The following XYLT1 variants were observed in gnomAD, a reference collection of about 807,000 sequenced individuals.
XYLT1 encodes xylosyltransferase 1.
Under a neutral mutation model 91.3 loss-of-function variants are expected in XYLT1, and 36 were observed. The ratio of observed to expected loss-of-function variants is 0.39; its 90% CI spans 0.30 to 0.52. XYLT1 has a LOEUF of 0.52. XYLT1 is among the 20% of genes least tolerant of loss of function. XYLT1 has a pLI of 0.68. For synonymous variants in XYLT1, 588 were observed against 532.0 expected (o/e 1.11, Z -1.45); for missense variants, 1,242 against 1,284.5 (o/e 0.97, Z 0.51).
intron 1 of XYLT1, among the ~76,000 whole-genome samples, chr16:17,429,389 C>T (rs953121749): frequency 5.3e-5 from 8 of 152,212 alleles, no homozygotes; most frequent in Non-Finnish European, 1.2e-4. Context: ...AATTCTGCCG[C>T]AGGTTAACTC....
At chr16:17,223,007 C>T (rs1455004279) in intron 3 of XYLT1, among the ~76,000 whole-genome samples, 2 of 147,928 alleles carry the variant, frequency 1.4e-5, no homozygotes, top group Non-Finnish European at 3.0e-5. Flanking sequence ...TCAAATGCTT[C>T]AGGGTCAGTG....
Position 17,117,812 on chromosome 16 carries a change from G to T in XYLT1, c.2391C>A (p.Ile797=). ...PVNVIAATYD[I]LIESTAEFTH... is the part of the protein sequence containing the mutation. Reference sequence around the variant, plus strand: ...TGAATTCGGCAGTGGACTCAATGAGGATGTCGTAGGTGGCTGCGATGACAT... The same window carrying T: ...TGAATTCGGCAGTGGACTCAATGAGTATGTCGTAGGTGGCTGCGATGACAT... Residue 797 remains isoleucine, a synonymous_variant, in exon 11 of 12, where the codon ATC becomes ATA. Coordinates refer to ENST00000261381, the MANE Select transcript of XYLT1 (RefSeq NM_022166.4). 6.2e-7 allele frequency: 1 copy of T among 1,614,154 alleles called. No homozygotes were observed. Among genetic ancestry groups the T allele is most frequent in the South Asian group, 1.1e-5 (1 of 91,084 alleles).
intron 10 of XYLT1, among the ~76,000 whole-genome samples, chr16:17,118,716 G>T (rs11866006): frequency 0.057 from 8,650 of 152,116 alleles, 810 homozygotes; most frequent in African/African-American, 0.2. Context: ...TAGTCAGAAA[G>T]GCCTTGTAAA....
intron 3 of XYLT1, among the ~76,000 whole-genome samples, chr16:17,251,712 C>T (rs953946941): frequency 2.0e-5 from 3 of 152,178 alleles, no homozygotes; most frequent in African/African-American, 4.8e-5. Context: ...GCACAGATTG[C>T]CTCCTATGGG....
At chr16:17,147,505 C>T (rs1270727020) in intron 6 of XYLT1, among the ~76,000 whole-genome samples, 3 of 152,198 alleles carry the variant, frequency 2.0e-5, no homozygotes, top group Admixed American at 1.3e-4. Context: ...TTTATGCAGT[C>T]ATCTCCAAAA....
At chr16:17,352,221 A>C (rs1326151881) in intron 2 of XYLT1, among the ~76,000 whole-genome samples, 1 of 152,210 alleles carries the variant, frequency 6.6e-6, no homozygotes, top group Non-Finnish European at 1.5e-5. Flanking sequence ...ACTTAAGTTT[A>C]AGTTCAGCTG....
At chr16:17,381,422 T>G (rs1393911793) in intron 1 of XYLT1, among the ~76,000 whole-genome samples, 1 of 38,408 alleles carries the variant, frequency 2.6e-5, no homozygotes, top group East Asian at 2.6e-4. Context: ...AGGCAACACC[T>G]TTTTTTTTTT....
intron 2 of XYLT1, among the ~76,000 whole-genome samples, chr16:17,316,416 TG>T (rs2034633509): frequency 1.3e-5 from 2 of 152,144 alleles, no homozygotes; most frequent in African/African-American, 4.8e-5. Flanking sequence ...TATTTATTTT[TG>T]AGACAGTCTC....
intron 8 of XYLT1, among the ~76,000 whole-genome samples, chr16:17,136,623 G>A (rs1279119614): frequency 6.6e-6 from 1 of 151,436 alleles, no homozygotes. Flanking sequence ...CCCATCTAGG[G>A]GCAGAACAAA....
intron 1 of XYLT1, among the ~76,000 whole-genome samples, chr16:17,382,481 G>A (rs932590574): frequency 1.3e-5 from 2 of 151,914 alleles, no homozygotes; most frequent in Non-Finnish European, 2.9e-5. Flanking sequence ...GAATTTCAGT[G>A]TTAATGGGAC....
At chr16:17,203,649 T>G (rs1489195379) in intron 3 of XYLT1, among the ~76,000 whole-genome samples, 1 of 152,176 alleles carries the variant, frequency 6.6e-6, no homozygotes, top group African/African-American at 2.4e-5. Flanking sequence ...CAACCATTCA[T>G]CCATTGCTCC....
intron 3 of XYLT1, among the ~76,000 whole-genome samples, chr16:17,244,653 T>C (rs75004009): frequency 0.036 from 5,409 of 152,236 alleles, 323 homozygotes; most frequent in African/African-American, 0.12. Context: ...CCGTTGTAGG[T>C]AGCAAATTAG....
chr16:17,289,050 T>C (rs946394780), intron 2 of XYLT1, among the ~76,000 whole-genome samples: 3 of 152,196 alleles, frequency 2.0e-5, no homozygotes, highest in African/African-American at 7.2e-5. Flanking sequence ...CATTGTAAGT[T>C]TTCATCCACG....
At chr16:17,469,904 A>C (rs2036958924) in intron 1 of XYLT1, among the ~76,000 whole-genome samples, 1 of 152,198 alleles carries the variant, frequency 6.6e-6, no homozygotes, top group Non-Finnish European at 1.5e-5. Flanking sequence ...CCCCGGACTG[A>C]GTATTGATTC....
At chr16:17,428,526 T>C (rs2036346876) in intron 1 of XYLT1, among the ~76,000 whole-genome samples, 1 of 152,190 alleles carries the variant, frequency 6.6e-6, no homozygotes, top group Non-Finnish European at 1.5e-5. Flanking sequence ...CAATAAATGG[T>C]CACAGCTCTG....
intron 6 of XYLT1, 25 bp from the exon 7 acceptor site, chr16:17,141,394 G>C: frequency 6.2e-7 from 1 of 1,603,374 alleles, no homozygotes; most frequent in Non-Finnish European, 8.5e-7. Context: ...GCTGCCCTTA[G>C]CCCAGAGGTG....
At chr16:17,467,421 A>T (rs994827923) in intron 1 of XYLT1, among the ~76,000 whole-genome samples, 1 of 152,182 alleles carries the variant, frequency 6.6e-6, no homozygotes, top group African/African-American at 2.4e-5. Flanking sequence ...TCTGTTTCTT[A>T]AATTCTGAGA....
chr16:17,219,425 C>CGCTA (rs780891707), intron 3 of XYLT1, among the ~76,000 whole-genome samples: 2 of 151,862 alleles, frequency 1.3e-5, no homozygotes, highest in African/African-American at 2.4e-5. Context: ...AATGAATGAA[C>CGCTA]GCTACATCTT....
chr16:17,398,790 G>T (rs2035922817), intron 1 of XYLT1, among the ~76,000 whole-genome samples: 1 of 147,026 alleles, frequency 6.8e-6, no homozygotes. Context: ...TGTCCTCCCT[G>T]TGTGCATGGC....
Sources: allele counts gnomAD v4.1 joint callset (sites outside exome capture counted in the v4.1 genomes callset), GRCh38; gene constraint gnomAD v4.1.1; transcripts MANE v1.5; gene names NCBI Gene and HGNC (gene_info 2026-07-23, HGNC 2026-07-21).